Variants in DSCAML1 observed in about 807,000 individuals in gnomAD.
DSCAML1 encodes the protein cell adhesion molecule DSCAML1.
In DSCAML1, 38 loss-of-function variants were observed where a neutral mutation model predicts 200.5. The observed-to-expected ratio is 0.19, with a 90% CI of 0.15 to 0.25. The LOEUF (loss-of-function observed/expected upper bound fraction) is 0.25, where lower values mean the gene tolerates loss of function less well. Among genes scored for constraint, DSCAML1 ranks in the 10% least tolerant of loss-of-function variants. DSCAML1 has a pLI of 1.00. For synonymous variants in DSCAML1, 1,215 were observed against 1,165.0 expected (o/e 1.04, Z -0.87); for missense variants, 2,223 against 2,858.8 (o/e 0.78, Z 5.07).
At chr11:117,698,144 C>A (rs750233171) in intron 3 of DSCAML1, among the ~76,000 whole-genome samples, 4 of 152,186 alleles carry the variant, frequency 2.6e-5, no homozygotes, top group African/African-American at 9.7e-5. Context: ...GCTATTCACA[C>A]GTCAATGGAC....
chr11:117,803,880 G>T (rs1175709073), intron 1 of DSCAML1, among the ~76,000 whole-genome samples: 2 of 152,374 alleles, frequency 1.3e-5, no homozygotes, highest in East Asian at 3.9e-4. Context: ...TAGAAAGTCT[G>T]CCCATTTCAC....
intron 3 of DSCAML1, among the ~76,000 whole-genome samples, chr11:117,566,585 A>AT (rs1314557217): frequency 2.7e-5 from 4 of 149,598 alleles, no homozygotes; most frequent in East Asian, 2.0e-4. Context: ...TTATTTATTT[A>AT]TTATTATTAT....
chr11:117,545,068 A>G (rs866768209), intron 3 of DSCAML1, among the ~76,000 whole-genome samples: 1 of 152,056 alleles, frequency 6.6e-6, no homozygotes, highest in Non-Finnish European at 1.5e-5. Flanking sequence ...GGTCTCTACT[A>G]AAAATACAAA....
chr11:117,593,731 A>AGAT (rs553605378), intron 3 of DSCAML1, among the ~76,000 whole-genome samples: 3,303 of 107,070 alleles, frequency 0.031, 52 homozygotes, highest in East Asian at 0.061. Flanking sequence ...TTTTTTTTTG[A>AGAT]GATGGAGTCT....
chr11:117,554,977 A>G (rs2050535252), intron 3 of DSCAML1, among the ~76,000 whole-genome samples: 2 of 152,084 alleles, frequency 1.3e-5, no homozygotes, highest in South Asian at 4.1e-4. Context: ...CCTCTTCTCT[A>G]CCATCTTCTC....
intron 3 of DSCAML1, among the ~76,000 whole-genome samples, chr11:117,729,659 G>A (rs1436861663): frequency 2.0e-5 from 3 of 152,168 alleles, no homozygotes; most frequent in African/African-American, 7.2e-5. Context: ...CACCTGAAAA[G>A]ATGCTCAACA....
intron 3 of DSCAML1, among the ~76,000 whole-genome samples, chr11:117,592,589 C>T (rs1312059950): frequency 2.0e-5 from 3 of 152,160 alleles, no homozygotes; most frequent in African/African-American, 4.8e-5. Context: ...CTAGGCTCAC[C>T]GATGGTCCAT....
chr11:117,649,039 ATATGTGTGTGTGTGTGTG>A (rs2052575757), intron 3 of DSCAML1, among the ~76,000 whole-genome samples: 1 of 131,454 alleles, frequency 7.6e-6, no homozygotes, highest in African/African-American at 3.2e-5. Context: ...CTCTCCATAT[ATATGTGTGTGTGTGTGTG>A]TGTGTGTGTG....
chr11:117,599,638 A>G (rs2051428202), intron 3 of DSCAML1, among the ~76,000 whole-genome samples: 1 of 152,098 alleles, frequency 6.6e-6, no homozygotes, highest in Non-Finnish European at 1.5e-5. Context: ...CCTCAACACA[A>G]GACATCTGCC....
Position 117,644,714 on chromosome 11 carries a change from G to A in DSCAML1, c.512-112192C>T, listed in dbSNP as rs868825641. On this transcript the variant is annotated intron_variant, in intron 3 of 32. Transcript: ENST00000651296. The stretch of plus-strand genomic sequence containing the variant: ...CTCCCTCTCAACCTCTAGGGCAGGG[G>A]ACCCCCCCTCTGGCAATGTTCCTCT... Among the ~76,000 whole-genome samples the A allele has an allele frequency of 2.6e-5, 4 of 152,192 alleles. No individual in the cohort carries two copies. In the South Asian group the frequency reaches 6.2e-4, roughly 24 times the overall value.
chr11:117,430,139 C>T (rs539943490), intron 32 of DSCAML1, among the ~76,000 whole-genome samples: 6 of 152,344 alleles, frequency 3.9e-5, no homozygotes, highest in Admixed American at 3.9e-4. Context: ...CTAGCCCTGC[C>T]CTGCCAGCCT....
intron 3 of DSCAML1, among the ~76,000 whole-genome samples, chr11:117,726,737 G>A (rs1265603937): frequency 6.6e-6 from 1 of 152,200 alleles, no homozygotes; most frequent in Non-Finnish European, 1.5e-5. Context: ...TCCCCAAAGA[G>A]GGGCTCAGAG....
chr11:117,559,111 A>G (rs1038389296), intron 3 of DSCAML1, among the ~76,000 whole-genome samples: 5 of 147,148 alleles, frequency 3.4e-5, no homozygotes, highest in African/African-American at 1.2e-4. Context: ...GGGGAAAAAA[A>G]GAAAAAGAAA....
intron 3 of DSCAML1, among the ~76,000 whole-genome samples, chr11:117,597,519 G>C (rs993661377): frequency 6.6e-6 from 1 of 152,324 alleles, no homozygotes; most frequent in African/African-American, 2.4e-5. Flanking sequence ...CACGATCTGA[G>C]CTCACTGCAA....
At chr11:117,756,599 A>G (rs2054698494) in intron 3 of DSCAML1, among the ~76,000 whole-genome samples, 1 of 152,132 alleles carries the variant, frequency 6.6e-6, no homozygotes, top group African/African-American at 2.4e-5. Flanking sequence ...TCCTATTGCT[A>G]TCTGGGTTGT....
chr11:117,554,414 T>C (rs2050521367), intron 3 of DSCAML1, among the ~76,000 whole-genome samples: 1 of 152,230 alleles, frequency 6.6e-6, no homozygotes, highest in African/African-American at 2.4e-5. Context: ...GAAGTCTTGC[T>C]CTGTCACCCA....
intron 3 of DSCAML1, among the ~76,000 whole-genome samples, chr11:117,657,463 T>C (rs1265505081): frequency 6.6e-6 from 1 of 152,212 alleles, no homozygotes; most frequent in East Asian, 1.9e-4. Context: ...AGCGTGTCTC[T>C]CCTGCCACAA....
intron 3 of DSCAML1, among the ~76,000 whole-genome samples, chr11:117,549,305 G>A (rs769334041): frequency 3.3e-5 from 5 of 152,188 alleles, no homozygotes; most frequent in East Asian, 1.9e-4. Flanking sequence ...GTAAAGGCCC[G>A]GCGCATGTTG....
intron 21 of DSCAML1, among the ~76,000 whole-genome samples, chr11:117,440,814 G>C (rs998227427): frequency 6.6e-6 from 1 of 151,524 alleles, no homozygotes; most frequent in African/African-American, 2.4e-5. Flanking sequence ...CCAGCTACTC[G>C]GGAGGCTGAG....
Sources: allele counts gnomAD v4.1 joint callset (sites outside exome capture counted in the v4.1 genomes callset), GRCh38; gene constraint gnomAD v4.1.1; transcripts MANE v1.5; gene names NCBI Gene and HGNC (gene_info 2026-07-23, HGNC 2026-07-21).